The following NLRP8 variants were observed in gnomAD, a reference collection of about 807,000 sequenced individuals.
NLRP8 encodes NLR family pyrin domain containing 8, also known as NACHT, LRR and PYD domains-containing protein 8.
Under a neutral mutation model 88.7 loss-of-function variants are expected in NLRP8, and 86 were observed. The observed-to-expected ratio is 0.97, with a 90% CI of 0.81 to 1.16. The LOEUF (loss-of-function observed/expected upper bound fraction) is 1.16. Among genes scored for constraint, NLRP8 ranks in the 50% most tolerant of loss-of-function variants. The pLI is 0.00. For synonymous variants in NLRP8, 504 were observed against 494.6 expected (o/e 1.02, Z -0.25); for missense variants, 1,342 against 1,286.5 (o/e 1.04, Z -0.66).
Position 55,964,550 on chromosome 19 carries a change from G to A in NLRP8, c.2214-1663G>A, listed in dbSNP as rs539306504. On this transcript the variant is annotated intron_variant, in intron 4 of 9. Transcript: ENST00000291971. ...GCGGATTGCCTGAGCTCAGGAGTTC[G>A]TGACCAGCCTGGGCAACACGGTGAA... is the stretch of plus-strand genomic sequence containing the variant. Among the ~76,000 whole-genome samples, 4 of 152,176 alleles carry A rather than the reference G, an allele frequency of 2.6e-5. No individual in the cohort carries two copies. In the East Asian group the frequency reaches 7.7e-4, roughly 29 times the overall value.
At position 55,985,440 on chromosome 19, in the gene NLRP8, G is replaced by T. The variant is rs549084042; in HGVS notation, c.3048-2374G>T. ...ACAGAATAGAGTCCAGAACAGAAGG[G>T]CATAAACATGATCACGTGACTTCTG... On this transcript the variant is annotated intron_variant, in intron 9 of 9. Transcript: ENST00000291971. 3.8e-3 allele frequency among the ~76,000 whole-genome samples: 573 copies of T among 152,248 alleles called. 5 individuals carry two copies. Among genetic ancestry groups the T allele is most frequent in the South Asian group, 0.015 (70 of 4,814 alleles).
chr19:55,957,724 T>TAA (rs1979442533), intron 3 of NLRP8, among the ~76,000 whole-genome samples: 3 of 96,382 alleles, frequency 3.1e-5, no homozygotes, highest in African/African-American at 4.3e-5. Flanking sequence ...TATATATATA[T>TAA]AAAATAAGGT....
At chr19:55,986,487 C>CACACACAT (rs1980843249) in intron 9 of NLRP8, among the ~76,000 whole-genome samples, 1 of 151,238 alleles carries the variant, frequency 6.6e-6, no homozygotes, top group Non-Finnish European at 1.5e-5. Context: ...CACACACACA[C>CACACACAT]ACACACACAC....
At chr19:55,954,321 A>G (rs73064111) in intron 2 of NLRP8, among the ~76,000 whole-genome samples, 180 bp from the exon 3 acceptor site, 49 of 152,244 alleles carry the variant, frequency 3.2e-4, no homozygotes, top group Non-Finnish European at 5.7e-4. Flanking sequence ...CTTCAAGCTG[A>G]GTTTTCTGTT....
chr19:55,957,360 T>C (rs1979399545), intron 3 of NLRP8, among the ~76,000 whole-genome samples: 1 of 152,160 alleles, frequency 6.6e-6, no homozygotes, highest in Non-Finnish European at 1.5e-5. Context: ...AGGGTCTTTC[T>C]TTCCGTGTAA....
chr19:55,971,653 ACACACACACACACG>A lies in NLRP8; in HGVS notation c.2534+971_2534+984del, dbSNP rs764568686. On this transcript the variant is annotated intron_variant, in intron 6 of 9. Transcript: ENST00000291971. ...GTTTCTAATTGTTGGCTACACACAGACACACACACACACGCACACACACACACTGTGATGAACAT... is the reference window on the plus strand; with the variant it reads ...GTTTCTAATTGTTGGCTACACACAGACACACACACACACTGTGATGAACAT... Among the ~76,000 whole-genome samples, 101 of 124,374 alleles carry A rather than the reference ACACACACACACACG, an allele frequency of 8.1e-4. 1 individual carries two copies. Among genetic ancestry groups the A allele is most frequent in the Middle Eastern group, 3.8e-3 (1 of 262 alleles). 81.6% of individuals were successfully genotyped at this position (124,374 alleles called of 152,430 possible). A position where few individuals can be genotyped will look rare whatever the true frequency, so the allele number is the denominator to read the frequency against.
At position 55,948,107 on chromosome 19, in the gene NLRP8, A is replaced by G; in HGVS notation, c.205A>G (p.Met69Val). 1.2e-6 allele frequency: 2 copies of G among 1,614,162 alleles called. No homozygotes were observed. Among genetic ancestry groups the G allele is most frequent in the South Asian group, 1.1e-5 (1 of 91,080 alleles). ...ACTGACTGAGCTCAGTACTGGCACC[A>G]TGCCCATCACCTGGGACCAGGTCGA... Residue 69 changes from methionine to valine, a missense_variant, in exon 1 of 10, where the codon ATG becomes GTG. Coordinates refer to ENST00000291971, the MANE Select transcript of NLRP8 (RefSeq NM_176811.2).
intron 5 of NLRP8, 67 bp downstream of exon 5, chr19:55,966,447 T>A: frequency 6.9e-7 from 1 of 1,443,524 alleles, no homozygotes; most frequent in Non-Finnish European, 9.6e-7. Flanking sequence ...AGGGCGGTGA[T>A]GAGAGGCTCA....
At position 55,966,252 on chromosome 19, in the gene NLRP8, A is replaced by C. The variant is rs759757364; in HGVS notation, c.2253A>C (p.Leu751Phe). 10 of 1,613,980 alleles carry C rather than the reference A, an allele frequency of 6.2e-6. No homozygotes were observed. The highest frequency in any genetic ancestry group is 7.6e-6 in the Non-Finnish European group (9 of 1,180,006). Residue 751 changes from leucine (L) to phenylalanine (F), a missense_variant, in exon 5 of 10, where the codon TTA becomes TTC. By Grantham distance (22) the Leu-to-Phe change is conservative. Coordinates refer to ENST00000291971, the MANE Select transcript of NLRP8 (RefSeq NM_176811.2). Reference sequence around the variant, plus strand: ...ATAGCACCATGTTGAACCAGGACTTAATCGGTGTTTTGACGGGGAACCAGC... The same window carrying C: ...ATAGCACCATGTTGAACCAGGACTTCATCGGTGTTTTGACGGGGAACCAGC...
intron 3 of NLRP8, among the ~76,000 whole-genome samples, chr19:55,959,018 A>G (rs1303501434): frequency 6.6e-6 from 1 of 151,428 alleles, no homozygotes; most frequent in African/African-American, 2.4e-5. Context: ...AGCTGGGACT[A>G]CAGGCGCCCG....
intron 5 of NLRP8, among the ~76,000 whole-genome samples, chr19:55,967,169 C>T (rs1979881113): frequency 6.6e-6 from 1 of 152,142 alleles, no homozygotes; most frequent in Non-Finnish European, 1.5e-5. Context: ...TATTCTTTTT[C>T]AACCTGTTAA....
Position 55,976,204 on chromosome 19 carries a change from T to C in NLRP8, c.2777T>C (p.Leu926Pro). Residue 926 changes from leucine (L) to proline (P), a missense_variant, in exon 8 of 10, where the codon CTG (leucine) becomes CCG (proline). Leu to Pro is a moderately conservative substitution (Grantham distance 98). Coordinates refer to ENST00000291971, the MANE Select transcript of NLRP8 (RefSeq NM_176811.2). ...TCTGCGCTCTGTAAAAATAAAACCC[T>C]GAAAAGTCTTGACCTAAGTTTTAAT... 1 of 1,613,764 alleles carries C rather than the reference T, an allele frequency of 6.2e-7. No homozygotes were observed. The highest frequency in any genetic ancestry group is 8.5e-7 in the Non-Finnish European group (1 of 1,179,916).
At chr19:55,951,723 G>A (rs535481717) in intron 1 of NLRP8, among the ~76,000 whole-genome samples, 70 of 152,222 alleles carry the variant, frequency 4.6e-4, no homozygotes, top group African/African-American at 1.3e-3. Context: ...CAATGTAAAT[G>A]CTATGTAAAT....
intron 7 of NLRP8, 27 bp from the exon 8 acceptor site, chr19:55,976,106 T>C (rs1980304641): frequency 1.3e-6 from 2 of 1,547,842 alleles, no homozygotes; most frequent in East Asian, 2.4e-5. Context: ...GTTGTTGTTG[T>C]TGTTTTTAAC....
intron 3 of NLRP8, among the ~76,000 whole-genome samples, chr19:55,956,693 TC>T (rs1047851248): frequency 2.0e-4 from 31 of 152,266 alleles, no homozygotes; most frequent in African/African-American, 7.2e-4. Flanking sequence ...TATAGGACTT[TC>T]CGTGCTAAAC....
chr19:55,951,628 G>A (rs1042648603), intron 1 of NLRP8, among the ~76,000 whole-genome samples: 3 of 152,214 alleles, frequency 2.0e-5, no homozygotes, highest in Admixed American at 6.5e-5. Context: ...ACTCCTTCAT[G>A]TAAAATGGCA....
intron 5 of NLRP8, among the ~76,000 whole-genome samples, chr19:55,968,868 C>A (rs1281744944): frequency 4.6e-5 from 7 of 152,312 alleles, no homozygotes; most frequent in African/African-American, 1.7e-4. Flanking sequence ...TGACCACTGC[C>A]CTGGGGCTGC....
Position 55,948,052 on chromosome 19 carries a change from T to A in NLRP8, c.150T>A (p.His50Gln). Residue 50 changes from histidine to glutamine, a missense_variant, in exon 1 of 10, where the codon CAT (histidine) becomes CAA (glutamine). Physicochemically the swap from His to Gln is conservative, Grantham distance 24. Transcript: ENST00000291971. ...TGCTGTACATGAGAAACGTGAGCCA[T>A]GAGGAGCTACAACGGTTCAAGCAGC... The A allele has an allele frequency of 3.1e-6, 5 of 1,614,072 alleles. No individual in the cohort carries two copies. Among genetic ancestry groups the A allele is most frequent in the Non-Finnish European group, 4.2e-6 (5 of 1,180,014 alleles).
At chr19:55,956,254 T>A (rs1309915425) in intron 3 of NLRP8, among the ~76,000 whole-genome samples, 154 bp downstream of exon 3, 3 of 152,194 alleles carry the variant, frequency 2.0e-5, no homozygotes, top group Admixed American at 6.6e-5. Context: ...TGTTTTGTTT[T>A]GTTTTTTGAG....
Sources: allele counts gnomAD v4.1 joint callset (sites outside exome capture counted in the v4.1 genomes callset), GRCh38; gene constraint gnomAD v4.1.1; transcripts MANE v1.5; gene names NCBI Gene and HGNC (gene_info 2026-07-23, HGNC 2026-07-21).